Variants in SRGAP3 observed in about 807,000 individuals in gnomAD.
The protein encoded by SRGAP3 is SLIT-ROBO Rho GTPase-activating protein 3.
A neutral mutation model predicts 121.1 loss-of-function variants in SRGAP3; 39 were observed. The observed-to-expected ratio is 0.32, with a 90% CI of 0.25 to 0.42. SRGAP3 has a LOEUF of 0.42. Ranked by LOEUF, SRGAP3 falls within the 10% of genes least tolerant of loss-of-function variation. The probability of loss-of-function intolerance (pLI) is 1.00; values close to 1 mark genes in which losing one functional copy is unlikely to be tolerated. For missense variants in SRGAP3, 1,213 were observed against 1,470.6 expected (o/e 0.82, Z 2.86); for synonymous variants, 601 against 570.0 (o/e 1.05, Z -0.77).
At chr3:9,257,951 C>T (rs913724963) in intron 3 of SRGAP3, among the ~76,000 whole-genome samples, 4 of 152,064 alleles carry the variant, frequency 2.6e-5, no homozygotes, top group African/African-American at 9.7e-5. Context: ...GATCCACCTG[C>T]CTTGGTCTCC....
chr3:9,096,958 T>C (rs566153938), intron 3 of SRGAP3, among the ~76,000 whole-genome samples: 3 of 100,382 alleles, frequency 3.0e-5, no homozygotes, highest in African/African-American at 1.1e-4. Context: ...TATATATATA[T>C]ATATATATAT....
chr3:9,349,897 C>G (rs145008023), intron 1 of SRGAP3: 150 of 152,254 alleles, frequency 9.9e-4, no homozygotes, highest in African/African-American at 3.5e-3. Flanking sequence ...ATCCCTCCCC[C>G]ACCTTGTTTC....
At chr3:9,261,731 A>G (rs768338115) in intron 3 of SRGAP3, among the ~76,000 whole-genome samples, 31 of 152,104 alleles carry the variant, frequency 2.0e-4, no homozygotes, top group Non-Finnish European at 3.2e-4. Context: ...TGATTGGTGT[A>G]CCTGAAAGTG....
intron 1 of SRGAP3, among the ~76,000 whole-genome samples, chr3:9,207,060 G>A (rs1263185050): frequency 6.6e-6 from 1 of 152,150 alleles, no homozygotes; most frequent in Admixed American, 6.5e-5. Flanking sequence ...CAAGGCTCAG[G>A]GATGGAGGGG....
intron 1 of SRGAP3, among the ~76,000 whole-genome samples, chr3:9,343,896 T>C (rs1955835685): frequency 6.6e-6 from 1 of 152,200 alleles, no homozygotes; most frequent in Admixed American, 6.5e-5. Context: ...CTCGAACTTC[T>C]AATCTGCCTA....
At chr3:9,115,905 C>A (rs1261928899) in intron 2 of SRGAP3, among the ~76,000 whole-genome samples, 2 of 152,006 alleles carry the variant, frequency 1.3e-5, no homozygotes, top group Non-Finnish European at 2.9e-5. Context: ...CAACAAAAAC[C>A]AAACAGTATA....
intron 1 of SRGAP3, among the ~76,000 whole-genome samples, chr3:9,334,394 TATA>T (rs1219507665): frequency 6.6e-6 from 1 of 151,758 alleles, no homozygotes; most frequent in Non-Finnish European, 1.5e-5. Flanking sequence ...ACACGAAAAA[TATA>T]ATACAATGTG....
intron 3 of SRGAP3, among the ~76,000 whole-genome samples, chr3:9,312,312 G>A (rs543084335): frequency 1.4e-4 from 21 of 152,116 alleles, no homozygotes; most frequent in Non-Finnish European, 2.5e-4. Flanking sequence ...CCACCACCAC[G>A]CCCGGCTAAT....
chr3:9,178,654 C>CCAGGCCAGTGCTCCTGCAG (rs375189171), intron 1 of SRGAP3, among the ~76,000 whole-genome samples: 56 of 152,322 alleles, frequency 3.7e-4, no homozygotes, highest in African/African-American at 1.3e-3. Context: ...CTGTAGACTC[C>CCAGGCCAGTGCTCCTGCAG]CAGGCCAGTG....
At chr3:9,253,926 T>C (rs957735138), upstream of SRGAP3, among the ~76,000 whole-genome samples, 23 of 152,322 alleles carry the variant, frequency 1.5e-4, no homozygotes, top group Middle Eastern at 6.8e-3. Context: ...ATGGTACAGT[T>C]GTTTTATAAC....
intron 11 of SRGAP3, chr3:9,037,852 C>T (rs1195001840): frequency 9.3e-6 from 6 of 644,538 alleles, no homozygotes; most frequent in Middle Eastern, 4.3e-4. Flanking sequence ...CCCCTTCCAT[C>T]GCCAGCCTGG....
chr3:9,291,630 A>G (rs1428855606), intron 3 of SRGAP3, among the ~76,000 whole-genome samples: 1 of 151,784 alleles, frequency 6.6e-6, no homozygotes, highest in Non-Finnish European at 1.5e-5. Context: ...ACACACACAC[A>G]CACACGCACA....
rs565963014 is a variant in SRGAP3 at position 9,057,970 on chromosome 3, G to A, written c.1023+281C>T. ...ACCCGCACATGTGGGGTTAGAACAT[G>A]AGCCTGTGTGCAGACTGGGGCTCCC... On this transcript the variant is annotated intron_variant, in intron 7 of 21. Transcript: ENST00000383836. 2.0e-3 allele frequency among the ~76,000 whole-genome samples: 311 copies of A among 152,288 alleles called. 4 individuals are homozygous for A. Among genetic ancestry groups the A allele is most frequent in the African/African-American group, 6.6e-3 (273 of 41,556 alleles).
intron 1 of SRGAP3, among the ~76,000 whole-genome samples, chr3:9,133,043 A>G (rs1405336262): frequency 6.7e-6 from 1 of 148,736 alleles, no homozygotes; most frequent in Non-Finnish European, 1.5e-5. Flanking sequence ...ATTATATGAT[A>G]TATTATATAG....
At chr3:9,265,869 T>G (rs769955922) in intron 3 of SRGAP3, among the ~76,000 whole-genome samples, 1 of 152,228 alleles carries the variant, frequency 6.6e-6, no homozygotes, top group Admixed American at 6.5e-5. Flanking sequence ...ATCTCATTAC[T>G]GGGTATATAC....
intron 1 of SRGAP3, among the ~76,000 whole-genome samples, chr3:9,177,941 T>G (rs1316511310): frequency 6.6e-6 from 1 of 152,232 alleles, no homozygotes; most frequent in Non-Finnish European, 1.5e-5. Flanking sequence ...TACTAGGAGC[T>G]GCTTTCCTTC....
At chr3:9,032,024 TA>T (rs1944511113) in intron 12 of SRGAP3, among the ~76,000 whole-genome samples, 1 of 152,236 alleles carries the variant, frequency 6.6e-6, no homozygotes. Context: ...CTCGCCTAGC[TA>T]AACTACTTCA....
intron 3 of SRGAP3, among the ~76,000 whole-genome samples, chr3:9,096,477 C>A (rs1157077384): frequency 1.3e-5 from 2 of 152,204 alleles, no homozygotes. Flanking sequence ...GCTGAACTCT[C>A]TTCAGCAGCA....
At chr3:9,128,530 G>T (rs548126204) in intron 1 of SRGAP3, among the ~76,000 whole-genome samples, 1 of 152,304 alleles carries the variant, frequency 6.6e-6, no homozygotes, top group South Asian at 2.1e-4. Context: ...AGGTAACTTT[G>T]ATGGATGATT....
Sources: gnomAD v4.1 joint callset for allele counts (sites outside exome capture counted in the v4.1 genomes callset) on GRCh38, gnomAD v4.1.1 for gene constraint, MANE v1.5 for transcripts, NCBI Gene and HGNC (gene_info 2026-07-23, HGNC 2026-07-21) for gene names.